SORCS1: variants seen among roughly 807,000 people sequenced by gnomAD.
SORCS1 encodes the protein sortilin related VPS10 domain containing receptor 1.
Under a neutral mutation model 146.1 loss-of-function variants are expected in SORCS1, and 60 were observed. The observed-to-expected ratio is 0.41, with a 90% CI of 0.33 to 0.51. The LOEUF (loss-of-function observed/expected upper bound fraction) is 0.51. SORCS1 is among the 20% of genes least tolerant of loss of function. The probability of loss-of-function intolerance (pLI) is 0.21; values close to 1 mark genes in which losing one functional copy is unlikely to be tolerated. For missense variants in SORCS1, 1,352 were observed against 1,487.6 expected, an observed-to-expected ratio of 0.91 and a Z score of 1.50; for synonymous variants, 637 against 584.0, an observed-to-expected ratio of 1.09 and a Z score of -1.31.
At chr10:106,773,405 A>G (rs925271284) in intron 4 of SORCS1, among the ~76,000 whole-genome samples, 3 of 152,152 alleles carry the variant, frequency 2.0e-5, no homozygotes, top group African/African-American at 7.2e-5. Flanking sequence ...AGACCCTCTC[A>G]ACTTGACTTC....
intron 12 of SORCS1, among the ~76,000 whole-genome samples, chr10:106,678,483 T>G (rs1852201023): frequency 6.6e-6 from 1 of 152,216 alleles, no homozygotes; most frequent in South Asian, 2.1e-4. Flanking sequence ...GAGAGTGCTC[T>G]CATCACTAAG....
rs1184936443 is a variant in SORCS1, at chr10:106,577,128, CAGTG to C, written c.*288_*291del. On this transcript the variant is annotated 3_prime_UTR_variant, in exon 26 of 26. Coordinates refer to ENST00000263054, the MANE Select transcript of SORCS1 (RefSeq NM_052918.5). ...TCTGAAGAATTAAAAAGTCCCGATG[CAGTG>C]AGTGTTTGTTTGTTTGTTTGGATTT... 2.6e-5 allele frequency: 29 copies of C among 1,109,000 alleles called. 1 individual carries two copies. Among genetic ancestry groups the C allele is most frequent in the Middle Eastern group, 3.8e-4 (1 of 2,662 alleles). The allele number at this position is 1,109,000 out of a possible 1,614,324, so 68.7% of individuals were successfully genotyped here.
chr10:106,700,202 C>T (rs1854032098), intron 8 of SORCS1, among the ~76,000 whole-genome samples: 1 of 152,278 alleles, frequency 6.6e-6, no homozygotes. Flanking sequence ...GCAAAGGTAG[C>T]GCGGAGGCAG....
chr10:106,759,469 CA>C (rs1273052187), intron 5 of SORCS1, among the ~76,000 whole-genome samples: 1 of 152,164 alleles, frequency 6.6e-6, no homozygotes, highest in Non-Finnish European at 1.5e-5. Context: ...AAGGTAGAAT[CA>C]CGTCTTTTGG....
At chr10:106,751,708 G>T (rs1016783780) in intron 5 of SORCS1, among the ~76,000 whole-genome samples, 2 of 152,124 alleles carry the variant, frequency 1.3e-5, no homozygotes, top group African/African-American at 4.8e-5. Flanking sequence ...GAAATACAGA[G>T]GTTACCTACT....
chr10:107,098,603 T>C (rs927005721), intron 1 of SORCS1, among the ~76,000 whole-genome samples: 3 of 152,218 alleles, frequency 2.0e-5, no homozygotes, highest in Non-Finnish European at 4.4e-5. Context: ...TTGTTAAAGA[T>C]GACACTATTT....
chr10:106,828,845 G>A (rs1038137763), intron 3 of SORCS1, among the ~76,000 whole-genome samples: 1 of 151,978 alleles, frequency 6.6e-6, no homozygotes, highest in Non-Finnish European at 1.5e-5. Flanking sequence ...CTCATAATAG[G>A]AGATGTATGA....
intron 9 of SORCS1, among the ~76,000 whole-genome samples, chr10:106,689,619 C>A (rs763692288): frequency 6.6e-6 from 1 of 152,126 alleles, no homozygotes; most frequent in Admixed American, 6.5e-5. Flanking sequence ...CCTCGCCAAA[C>A]GCCAAGCACT....
At chr10:107,027,497 A>T (rs146061262) in intron 1 of SORCS1, among the ~76,000 whole-genome samples, 2 of 152,298 alleles carry the variant, frequency 1.3e-5, no homozygotes, top group South Asian at 2.1e-4. Flanking sequence ...CATTATCACC[A>T]GCTAAGCAAT....
At chr10:107,064,445 T>C (rs1961546842) in intron 1 of SORCS1, among the ~76,000 whole-genome samples, 1 of 152,220 alleles carries the variant, frequency 6.6e-6, no homozygotes, top group Non-Finnish European at 1.5e-5. Flanking sequence ...GTTCCCGCTA[T>C]TCCCAAGAAA....
chr10:106,931,139 G>T (rs1953395988), intron 2 of SORCS1, among the ~76,000 whole-genome samples: 1 of 152,112 alleles, frequency 6.6e-6, no homozygotes, highest in Non-Finnish European at 1.5e-5. Context: ...AAAAATCCTT[G>T]CCCTACCCTT....
chr10:106,803,128 C>T (rs549471704), intron 3 of SORCS1, among the ~76,000 whole-genome samples: 10 of 152,228 alleles, frequency 6.6e-5, no homozygotes, highest in Admixed American at 1.3e-4. Flanking sequence ...CAACCTAGAA[C>T]GCAGACCTTG....
intron 22 of SORCS1, among the ~76,000 whole-genome samples, chr10:106,609,243 C>T (rs7091880): frequency 1.2e-4 from 18 of 152,180 alleles, no homozygotes; most frequent in African/African-American, 4.3e-4. Flanking sequence ...AAACCCCACA[C>T]TGTTTTATGC....
At chr10:106,654,268 A>C (rs1167293484) in intron 17 of SORCS1, among the ~76,000 whole-genome samples, 1 of 152,244 alleles carries the variant, frequency 6.6e-6, no homozygotes, top group East Asian at 1.9e-4. Flanking sequence ...AGAAGTATCC[A>C]TAATAAGGAA....
At chr10:106,721,121 C>G (rs558475866) in intron 6 of SORCS1, among the ~76,000 whole-genome samples, 1 of 150,992 alleles carries the variant, frequency 6.6e-6, no homozygotes, top group African/African-American at 2.4e-5. Flanking sequence ...ACTAGCTAAA[C>G]CTTGATGCTT....
intron 1 of SORCS1, among the ~76,000 whole-genome samples, chr10:107,125,887 G>A (rs1009969238): frequency 1.3e-5 from 2 of 152,174 alleles, no homozygotes; most frequent in Admixed American, 6.5e-5. Context: ...ATCATTATGG[G>A]AAATGCTTCA....
intron 1 of SORCS1, among the ~76,000 whole-genome samples, chr10:107,027,291 T>A (rs954405158): frequency 3.9e-5 from 6 of 151,928 alleles, no homozygotes; most frequent in African/African-American, 1.4e-4. Flanking sequence ...GATAATGATG[T>A]TGTTAGGGGC....
chr10:107,090,135 C>T (rs1230868926), intron 1 of SORCS1, among the ~76,000 whole-genome samples: 3 of 152,176 alleles, frequency 2.0e-5, no homozygotes, highest in African/African-American at 7.2e-5. Context: ...ATGAACCAGC[C>T]TTCTTAATCT....
intron 18 of SORCS1, among the ~76,000 whole-genome samples, chr10:106,645,601 G>A (rs1228013567): frequency 6.6e-6 from 1 of 151,948 alleles, no homozygotes; most frequent in Non-Finnish European, 1.5e-5. Context: ...TATGCTTATT[G>A]GCTATTTGGT....
Sources: allele counts gnomAD v4.1 joint callset (sites outside exome capture counted in the v4.1 genomes callset), GRCh38; gene constraint gnomAD v4.1.1; transcripts MANE v1.5; gene names NCBI Gene and HGNC (gene_info 2026-07-23, HGNC 2026-07-21).